Variants in TAF3 observed in about 807,000 individuals in gnomAD.
TAF3 encodes the protein TATA-box binding protein associated factor 3.
TAF3 carries 7 observed loss-of-function variants against 80.6 expected under a neutral mutation model. That is an observed-to-expected ratio of 0.09 (90% CI 0.05 to 0.16). TAF3 has a LOEUF of 0.16. TAF3 is among the 10% of genes least tolerant of loss of function. The pLI is 1.00. For missense variants in TAF3, 921 were observed against 1,140.2 expected (o/e 0.81, Z 2.77); for synonymous variants, 444 against 446.1 (o/e 1.00, Z 0.06).
At chr10:7,957,269 G>A (rs976566983) in intron 2 of TAF3, among the ~76,000 whole-genome samples, 5 of 151,788 alleles carry the variant, frequency 3.3e-5, no homozygotes, top group African/African-American at 1.2e-4. Flanking sequence ...TTCATGGAGC[G>A]ATGGGGAGAT....
At chr10:7,972,920 CAAAT>C (rs1198502763) in intron 3 of TAF3, among the ~76,000 whole-genome samples, 2 of 152,108 alleles carry the variant, frequency 1.3e-5, no homozygotes, top group Non-Finnish European at 2.9e-5. Context: ...GAGATATTGA[CAAAT>C]AAAGTGAATA....
In TAF3 at chr10:8,016,389, G is replaced by A. The variant is rs1832105086; in HGVS notation, c.*1638G>A. 1 of 152,172 alleles carries A rather than the reference G, an allele frequency of 6.6e-6. No homozygotes were observed. The highest frequency in any genetic ancestry group is 3.2e-3 in the Middle Eastern group (1 of 316). 9.4% of individuals were successfully genotyped at this position (152,172 alleles called of 1,614,324 possible). A position where few individuals can be genotyped will look rare whatever the true frequency, so the allele number is the denominator to read the frequency against. On this transcript the variant is annotated 3_prime_UTR_variant, in exon 7 of 7. Transcript: ENST00000344293. ...GTTAAGTTGCAAATCAGTGGAAATG[G>A]AGTCGACCTCTTCGGAGCACAGGGT...
At chr10:7,889,493 A>G (rs1837439454) in intron 2 of TAF3, among the ~76,000 whole-genome samples, 1 of 152,176 alleles carries the variant, frequency 6.6e-6, no homozygotes, top group Admixed American at 6.5e-5. Flanking sequence ...TTGGTCACAG[A>G]GGTAGTAAAT....
chr10:8,009,318 C>A lies in TAF3; in HGVS notation c.2556C>A (p.Val852=). The A allele has an allele frequency of 6.3e-7, 1 of 1,591,862 alleles. No individual in the cohort carries two copies. The highest frequency in any genetic ancestry group is 8.5e-7 in the Non-Finnish European group (1 of 1,170,514). ...APVRSVVTET[V]STYVIRDEWG... The stretch of plus-strand genomic sequence containing the variant: ...TGCGCAGCGTGGTGACTGAGACGGT[C>A]AGCACCTACGTGGTGCGTACCTGCC... The change falls in exon 5 of 7, where the codon GTC becomes GTA. Residue 852 remains valine (V), a synonymous_variant. Coordinates refer to ENST00000344293, the MANE Select transcript of TAF3 (RefSeq NM_031923.4). This position sits in a 1 kb window ranked among gnomAD's most constrained non-coding sequence, Gnocchi z 4.1.
chr10:7,824,689 A>G (rs1836724369), intron 2 of TAF3, 129 bp downstream of exon 2: 2 of 1,234,052 alleles, frequency 1.6e-6, no homozygotes, highest in South Asian at 3.0e-5. Context: ...TTACTTACAA[A>G]TTATTCTAAC....
intron 2 of TAF3, among the ~76,000 whole-genome samples, chr10:7,824,919 C>T (rs1019928173): frequency 5.3e-5 from 8 of 152,126 alleles, no homozygotes; most frequent in East Asian, 1.9e-4. Flanking sequence ...TTTTCCTCCT[C>T]GCTTATTATT....
At chr10:8,002,393 A>G (rs1388363623) in intron 4 of TAF3, among the ~76,000 whole-genome samples, 1 of 152,176 alleles carries the variant, frequency 6.6e-6, no homozygotes, top group Non-Finnish European at 1.5e-5. Context: ...AAAATACACT[A>G]AAAGTATCAT....
intron 2 of TAF3, among the ~76,000 whole-genome samples, chr10:7,827,467 T>C (rs1347750706): frequency 2.0e-5 from 3 of 151,730 alleles, no homozygotes; most frequent in Non-Finnish European, 4.4e-5. Flanking sequence ...GGCAACGTCA[T>C]GAGACCTCAT....
intron 3 of TAF3, among the ~76,000 whole-genome samples, chr10:7,967,415 C>T (rs114422773): frequency 0.011 from 1,690 of 152,304 alleles, 31 homozygotes; most frequent in African/African-American, 0.038. Context: ...CAGCATCTAC[C>T]TGACTTTAGG....
intron 3 of TAF3, 38 bp downstream of exon 3, chr10:7,965,780 G>GTTCT: frequency 6.9e-7 from 1 of 1,456,566 alleles, no homozygotes; most frequent in Non-Finnish European, 9.0e-7. Flanking sequence ...TCTGAACAGA[G>GTTCT]TCCTAGTGAG....
At chr10:7,842,181 T>G (rs1209557129) in intron 2 of TAF3, among the ~76,000 whole-genome samples, 1 of 126,124 alleles carries the variant, frequency 7.9e-6, no homozygotes, top group East Asian at 2.0e-4. Flanking sequence ...TTTTTGTTTT[T>G]TTTTTTTTTT....
Position 8,014,814 on chromosome 10 carries a change from G to A in TAF3, c.*63G>A. 1 of 1,422,868 alleles carries A rather than the reference G, an allele frequency of 7.0e-7. No individual in the cohort carries two copies. The highest frequency in any genetic ancestry group is 9.5e-7 in the Non-Finnish European group (1 of 1,048,924). The allele number at this position is 1,422,868 out of a possible 1,614,324, so 88.1% of individuals were successfully genotyped here. ...GGCTTCTTCCCTGGCGCCTCTGGAA[G>A]GGAGCTGGTGCAAGTCTGCCGTCAC... On this transcript the variant is annotated 3_prime_UTR_variant, in exon 7 of 7. Transcript: ENST00000344293.
At chr10:7,998,271 A>G (rs944910339) in intron 4 of TAF3, among the ~76,000 whole-genome samples, 3 of 146,846 alleles carry the variant, frequency 2.0e-5, no homozygotes, top group Admixed American at 6.8e-5. Flanking sequence ...ATATGTATAT[A>G]TATATATATA....
At chr10:7,852,836 T>A (rs1837042012) in intron 2 of TAF3, among the ~76,000 whole-genome samples, 1 of 152,234 alleles carries the variant, frequency 6.6e-6, no homozygotes, top group South Asian at 2.1e-4. Flanking sequence ...TGGTAGAGTT[T>A]GTATATGAAA....
At chr10:7,984,687 G>A (rs74414169) in intron 4 of TAF3, among the ~76,000 whole-genome samples, 8 of 152,196 alleles carry the variant, frequency 5.3e-5, no homozygotes, top group Middle Eastern at 3.4e-3. Context: ...CTTTCTCTCC[G>A]CAGTGTTATC....
intron 2 of TAF3, among the ~76,000 whole-genome samples, chr10:7,852,839 A>G (rs1360369584): frequency 6.6e-6 from 1 of 152,238 alleles, no homozygotes; most frequent in Non-Finnish European, 1.5e-5. Flanking sequence ...TAGAGTTTGT[A>G]TATGAAAAGC....
At chr10:7,909,978 C>T (rs1025366011) in intron 2 of TAF3, among the ~76,000 whole-genome samples, 8 of 152,162 alleles carry the variant, frequency 5.3e-5, no homozygotes, top group Non-Finnish European at 1.0e-4. Flanking sequence ...CTCCTGTATA[C>T]TTGAAATCGT....
intron 2 of TAF3, among the ~76,000 whole-genome samples, chr10:7,906,229 CA>C (rs1439041338): frequency 6.6e-6 from 1 of 152,102 alleles, no homozygotes; most frequent in African/African-American, 2.4e-5. Context: ...TCTTTAATTT[CA>C]GTATTGGATG....
intron 2 of TAF3, among the ~76,000 whole-genome samples, chr10:7,826,038 T>G (rs1836737247): frequency 6.6e-6 from 1 of 152,232 alleles, no homozygotes; most frequent in Non-Finnish European, 1.5e-5. Context: ...TTTTGAAGTG[T>G]TACCTATTTG....
Sources: allele counts gnomAD v4.1 joint callset (sites outside exome capture counted in the v4.1 genomes callset), GRCh38; gene constraint gnomAD v4.1.1; non-coding constraint Gnocchi (gnomAD v3.1); transcripts MANE v1.5; gene names NCBI Gene and HGNC (gene_info 2026-07-23, HGNC 2026-07-21).